CROCC: variants seen among roughly 807,000 people sequenced by gnomAD.
CROCC encodes ciliary rootlet coiled-coil, rootletin, also known as rootletin.
Under a neutral mutation model 245.2 loss-of-function variants are expected in CROCC, and 180 were observed. That is an observed-to-expected ratio of 0.73 (90% confidence interval 0.65 to 0.83). CROCC has a LOEUF of 0.83. Among genes scored for constraint, CROCC ranks in the 40% least tolerant of loss-of-function variants. The pLI, the probability that CROCC is intolerant of heterozygous loss-of-function variation, is 0.00. For synonymous variants in CROCC, 1,205 were observed against 1,241.6 expected, an observed-to-expected ratio of 0.97 and a Z score of 0.62; for missense variants, 2,688 against 2,779.4, an observed-to-expected ratio of 0.97 and a Z score of 0.74.
At chr1:16,969,408 G>T in intron 32 of CROCC, 68 bp downstream of exon 32, 1 of 1,461,398 alleles carries the variant, frequency 6.8e-7, no homozygotes. Context: ...CAGGCTTGGA[G>T]GGGGGCCCTG....
rs777306747 is a variant in CROCC, at chr1:16,930,351, A to G, written c.683+4A>G. 25 of 1,610,498 alleles carry G rather than the reference A, an allele frequency of 1.6e-5. No homozygotes were observed. The highest frequency in any genetic ancestry group is 1.9e-5 in the Non-Finnish European group (22 of 1,179,440). The stretch of plus-strand genomic sequence containing the variant: ...GGCTGGAGGAGGAGCAGCAGAGGTG[A>G]GGGCGCAGCAGGGAGGGCCAGGGCT... On this transcript the variant is annotated splice_donor_region_variant and intron_variant, in intron 6 of 36. Transcript: ENST00000375541.
intron 30 of CROCC, among the ~76,000 whole-genome samples, chr1:16,967,393 C>G (rs555528545): frequency 6.6e-6 from 1 of 152,204 alleles, no homozygotes; most frequent in Non-Finnish European, 1.5e-5. Context: ...CCCCCACCAC[C>G]CCCGCCCCCA....
upstream of CROCC, among the ~76,000 whole-genome samples, chr1:16,921,358 G>GTCTA (rs1431711825): frequency 6.6e-6 from 1 of 152,294 alleles, no homozygotes; most frequent in African/African-American, 2.4e-5. Context: ...CTACCACTGT[G>GTCTA]TCTAGGTCAG....
At chr1:16,965,110 C>T (rs2076397132) in intron 27 of CROCC, among the ~76,000 whole-genome samples, 3 of 152,262 alleles carry the variant, frequency 2.0e-5, no homozygotes, top group African/African-American at 7.2e-5. Flanking sequence ...CCACCACACC[C>T]AGTCAACAGA....
At chr1:16,967,362 C>T (rs1257318052) in intron 30 of CROCC, among the ~76,000 whole-genome samples, 1 of 152,224 alleles carries the variant, frequency 6.6e-6, no homozygotes, top group African/African-American at 2.4e-5. Flanking sequence ...CCTCCCCAGC[C>T]TGTCCCTCTA....
intron 3 of CROCC, among the ~76,000 whole-genome samples, chr1:16,924,741 G>T (rs1218382473): frequency 6.6e-6 from 1 of 152,290 alleles, no homozygotes; most frequent in Admixed American, 6.5e-5. Context: ...GGCACCAGGG[G>T]TATTTTGTTC....
intron 19 of CROCC, among the ~76,000 whole-genome samples, chr1:16,949,139 C>T (rs2076116696): frequency 6.6e-6 from 1 of 152,292 alleles, no homozygotes; most frequent in South Asian, 2.1e-4. Flanking sequence ...TTGGAGGTGG[C>T]AATGCCCACC....
chr1:16,922,198 G>T (rs1232487758), intron 1 of CROCC, 120 bp downstream of exon 1: 15 of 1,068,034 alleles, frequency 1.4e-5, no homozygotes, highest in Non-Finnish European at 1.7e-5. Context: ...TGGTGGTGGG[G>T]TATACAGGGG....
At position 16,971,520 on chromosome 1, in the gene CROCC, CGCAGCA is replaced by C. The variant is rs751434137; in HGVS notation, c.5849_5854del (p.Gln1950_Gln1951del). The C allele has an allele frequency of 1.3e-6, 2 of 1,536,730 alleles. No homozygotes were observed. Among genetic ancestry groups the C allele is most frequent in the Non-Finnish European group, 1.7e-6 (2 of 1,146,274 alleles). On this transcript the variant is annotated inframe_deletion, in exon 36 of 37. Transcript: ENST00000375541. ...AGCCCGGCCCAGCTGGAGGTGGATG[CGCAGCA>C]GCAGCAGCTGGAGCTGCAGCAGGAG...
intron 2 of CROCC, among the ~76,000 whole-genome samples, chr1:16,923,673 C>CTTTTTTTTT (rs2075461489): frequency 7.5e-6 from 1 of 132,822 alleles, no homozygotes; most frequent in African/African-American, 2.8e-5. Context: ...TACTATTCTA[C>CTTTTTTTTT]CTTTTTTTTT....
chr1:16,968,075 C>T, intron 30 of CROCC, 128 bp from the exon 31 acceptor site: 1 of 881,586 alleles, frequency 1.1e-6, no homozygotes, highest in Non-Finnish European at 1.8e-6. Context: ...GGGTCCCAGG[C>T]CGGCCCCAGG....
At chr1:16,924,598 G>C in intron 3 of CROCC, 119 bp downstream of exon 3, 1 of 1,376,436 alleles carries the variant, frequency 7.3e-7, no homozygotes, top group Non-Finnish European at 9.9e-7. Flanking sequence ...GTTGGCCTGG[G>C]CTTGGATTGA....
Position 16,966,036 on chromosome 1 carries a change from A to C in CROCC, c.4613A>C (p.Gln1538Pro), listed in dbSNP as rs1305435704. The C allele has an allele frequency of 2.5e-6, 4 of 1,613,756 alleles. No individual in the cohort carries two copies. The highest frequency in any genetic ancestry group is 3.4e-6 in the Non-Finnish European group (4 of 1,179,816). The change falls in exon 29 of 37, where the codon CAG (glutamine) becomes CCG (proline). Residue 1538 changes from glutamine (Q) to proline (P), a missense_variant. Gln to Pro is a moderately conservative substitution (Grantham distance 76). Around this residue, in one of 9 missense-constraint regions of CROCC, gnomAD observed 1,218 missense variants for 1,286.3 expected, o/e 0.95. Coordinates refer to ENST00000375541, the MANE Select transcript of CROCC (RefSeq NM_014675.5). The surrounding 1 kb of genome is among the most constrained non-coding windows in gnomAD (Gnocchi z 4.8). ...LRTQTSALNR[Q>P]LAEMEAERDS... The stretch of plus-strand genomic sequence containing the variant: ...ACCCAGACCAGTGCCCTGAATCGCC[A>C]GCTGGCCGAGATGGAGGCTGAGAGG...
chr1:16,926,326 GA>G (rs2075534091), intron 3 of CROCC, among the ~76,000 whole-genome samples: 2 of 152,390 alleles, frequency 1.3e-5, no homozygotes, highest in African/African-American at 4.8e-5. Flanking sequence ...AAGTCCGGGA[GA>G]GGGGCATGAT....
chr1:16,971,474 G>T lies in CROCC; in HGVS notation c.5794G>T (p.Val1932Leu). ...RQIQQLEAQV[V>L]VLEQSHSPAQ... ...CAGCCCCTCCCTGCAGGCGCAGGTG[G>T]TGGTGCTGGAGCAGAGCCACAGCCC... is the stretch of plus-strand genomic sequence containing the variant. Residue 1932 changes from valine to leucine, a missense_variant, in exon 36 of 37, where the codon GTG (valine) becomes TTG (leucine). Around this residue, in one of 9 missense-constraint regions of CROCC, gnomAD observed 1,218 missense variants for 1,286.3 expected, o/e 0.95. Coordinates refer to ENST00000375541, the MANE Select transcript of CROCC (RefSeq NM_014675.5). The T allele has an allele frequency of 6.5e-7, 1 of 1,534,840 alleles. No homozygotes were observed. Among genetic ancestry groups the T allele is most frequent in the Non-Finnish European group, 8.7e-7 (1 of 1,145,006 alleles).
intron 32 of CROCC, 68 bp downstream of exon 32, chr1:16,969,408 G>A: frequency 6.8e-7 from 1 of 1,461,400 alleles, no homozygotes; most frequent in Non-Finnish European, 9.4e-7. Context: ...CAGGCTTGGA[G>A]GGGGGCCCTG....
intron 10 of CROCC, among the ~76,000 whole-genome samples, chr1:16,937,976 G>A (rs1300240157): frequency 6.6e-6 from 1 of 152,272 alleles, no homozygotes; most frequent in Non-Finnish European, 1.5e-5. Flanking sequence ...AGGCCCAAGA[G>A]GGGTAATGCT....
At chr1:16,956,870 G>A (rs571115718) in intron 25 of CROCC, among the ~76,000 whole-genome samples, 1 of 152,334 alleles carries the variant, frequency 6.6e-6, no homozygotes, top group South Asian at 2.1e-4. Flanking sequence ...AGCACCTGCT[G>A]TCTACTGGGC....
At chr1:16,940,758 G>A (rs1322194520) in intron 13 of CROCC, 1 of 273,296 alleles carries the variant, frequency 3.7e-6, no homozygotes, top group African/African-American at 2.3e-5. Flanking sequence ...TCACACTCTT[G>A]CTCTGTTTCC....
Sources: gnomAD v4.1 joint callset for allele counts (sites outside exome capture counted in the v4.1 genomes callset) on GRCh38, gnomAD v4.1.1 for gene constraint, gnomAD v4.1.1 regional missense constraint, Gnocchi (gnomAD v3.1) non-coding constraint, MANE v1.5 for transcripts, NCBI Gene and HGNC (gene_info 2026-07-23, HGNC 2026-07-21) for gene names.